Variants in LRRC40 observed in about 807,000 individuals in gnomAD.
LRRC40 encodes leucine rich repeat containing 40.
In LRRC40, 76 loss-of-function variants were observed where a neutral mutation model predicts 72.8. The observed-to-expected ratio is 1.04, with a 90% CI of 0.87 to 1.26. The LOEUF (loss-of-function observed/expected upper bound fraction) is 1.26, where lower values mean the gene tolerates loss of function less well. LRRC40 is among the 50% of genes most tolerant of loss of function. The pLI is 0.00. For missense variants in LRRC40, 684 were observed against 698.9 expected (o/e 0.98, Z 0.24); for synonymous variants, 243 against 254.2 (o/e 0.96, Z 0.42).
chr1:70,159,432 C>A lies in LRRC40; in HGVS notation c.1118G>T (p.Gly373Val). ...AGTAGCAGACTCACTTTGGCTAGGT[C>A]CATCATCTGGCAAAAGAAAACTTAT... ...KYLRSKIKDD[G>V]PSQSESATET... Residue 373 changes from glycine (G) to valine (V), a missense_variant, in exon 10 of 15, where the codon GGA (glycine) becomes GTA (valine). Gly to Val is a moderately radical substitution (Grantham distance 109, BLOSUM62 -3). Transcript: ENST00000370952. 1 of 1,545,038 alleles carries A rather than the reference C, an allele frequency of 6.5e-7. No homozygotes were observed. The highest frequency in any genetic ancestry group is 8.9e-7 in the Non-Finnish European group (1 of 1,128,204).
At chr1:70,186,434 T>C (rs1668360761) in intron 3 of LRRC40, among the ~76,000 whole-genome samples, 1 of 152,202 alleles carries the variant, frequency 6.6e-6, no homozygotes, top group Non-Finnish European at 1.5e-5. Flanking sequence ...TATATTTTCA[T>C]TGGCCAATGG....
chr1:70,182,791 G>A (rs1668275078), intron 4 of LRRC40, among the ~76,000 whole-genome samples: 1 of 151,978 alleles, frequency 6.6e-6, no homozygotes, highest in African/African-American at 2.4e-5. Context: ...TAAATTATAG[G>A]TGTTTAATCT....
chr1:70,178,880 G>A lies in LRRC40; in HGVS notation c.775C>T (p.Pro259Ser). The change falls in exon 6 of 15, where the codon CCA (proline) becomes TCA (serine). Residue 259 changes from proline (P) to serine (S), a missense_variant. Pro to Ser is a moderately conservative substitution (Grantham distance 74). Coordinates refer to ENST00000370952, the MANE Select transcript of LRRC40 (RefSeq NM_017768.5). The stretch of plus-strand genomic sequence containing the variant: ...AATAGACTACAAGAAGGAAATTCTG[G>A]TAGAAAACGTAATTTATTCCTCCGC... ...YLRRNKLRFLPEFPSCSLLKE... is the reference protein window; with the variant it reads ...YLRRNKLRFLSEFPSCSLLKE... The A allele has an allele frequency of 1.3e-6, 2 of 1,595,286 alleles. No homozygotes were observed. Among genetic ancestry groups the A allele is most frequent in the Middle Eastern group, 1.7e-4 (1 of 6,006 alleles).
intron 10 of LRRC40, among the ~76,000 whole-genome samples, chr1:70,158,553 ATCT>A (rs1293231813): frequency 6.6e-6 from 1 of 152,182 alleles, no homozygotes; most frequent in Non-Finnish European, 1.5e-5. Flanking sequence ...CTGCATAGGT[ATCT>A]TCTTTTCCCA....
At chr1:70,159,196 C>A in intron 10 of LRRC40, 134 bp downstream of exon 10, 1 of 401,750 alleles carries the variant, frequency 2.5e-6, no homozygotes, top group Non-Finnish European at 4.5e-6. Context: ...AGCATGGTAG[C>A]TCAAGCCTAT....
At chr1:70,205,293 A>C in intron 1 of LRRC40, 97 bp downstream of exon 1, 1 of 1,228,048 alleles carries the variant, frequency 8.1e-7, no homozygotes, top group Non-Finnish European at 1.1e-6. Flanking sequence ...TAGCAGTCTG[A>C]GAAAGGGGGC....
Position 70,181,122 on chromosome 1 carries a change from G to C in LRRC40, c.625C>G (p.Leu209Val). The C allele has an allele frequency of 2.5e-6, 4 of 1,586,044 alleles. No individual in the cohort carries two copies. The highest frequency in any genetic ancestry group is 3.4e-6 in the Non-Finnish European group (4 of 1,159,658). The change falls in exon 5 of 15, where the codon CTG becomes GTG. Residue 209 changes from leucine to valine, a missense_variant. Coordinates refer to ENST00000370952, the MANE Select transcript of LRRC40 (RefSeq NM_017768.5). ...LVRLNLSSNE[L>V]KSLPAEINRM... is the part of the protein sequence containing the mutation. ...TTTATTTCTGCTGGCAAACTCTTCA[G>C]TTCATTACTAGAAAGATTGAGTCGC...
At chr1:70,147,350 A>G (rs1667333005) in intron 14 of LRRC40, among the ~76,000 whole-genome samples, 1 of 152,208 alleles carries the variant, frequency 6.6e-6, no homozygotes, top group African/African-American at 2.4e-5. Context: ...ATAATGCTAA[A>G]GTACTGTCTA....
intron 11 of LRRC40, among the ~76,000 whole-genome samples, chr1:70,155,396 T>C (rs1262695659): frequency 6.6e-6 from 1 of 152,054 alleles, no homozygotes; most frequent in Non-Finnish European, 1.5e-5. Flanking sequence ...CTATATTTCA[T>C]TATATGGGAA....
intron 11 of LRRC40, among the ~76,000 whole-genome samples, chr1:70,153,972 CAAAA>C (rs1042976831): frequency 1.7e-5 from 1 of 58,186 alleles, no homozygotes; most frequent in African/African-American, 7.1e-5. Flanking sequence ...GATCCTGTCT[CAAAA>C]AAAAAAAAAA....
chr1:70,201,711 G>A (rs1228204322), intron 1 of LRRC40, among the ~76,000 whole-genome samples: 1 of 152,088 alleles, frequency 6.6e-6, no homozygotes, highest in Admixed American at 6.6e-5. Context: ...GGGGGCTCAC[G>A]CCTGTAATCC....
chr1:70,146,367 ATAAC>A (rs1447204955), intron 14 of LRRC40, among the ~76,000 whole-genome samples: 2 of 152,204 alleles, frequency 1.3e-5, no homozygotes, highest in Non-Finnish European at 2.9e-5. Flanking sequence ...CATTAGAATT[ATAAC>A]TAATTAATAA....
At chr1:70,160,217 T>G (rs1424976956) in intron 9 of LRRC40, among the ~76,000 whole-genome samples, 2 of 152,122 alleles carry the variant, frequency 1.3e-5, no homozygotes, top group African/African-American at 2.4e-5. Context: ...CATTAGCACA[T>G]AAGAGCAGAA....
rs545085072 is a variant in LRRC40, at chr1:70,187,699, C to T, written c.334-361G>A. The stretch of plus-strand genomic sequence containing the variant: ...AATTCTTATTAGTCAGGCGTAGTGG[C>T]GCACACCTGTAGCCCCATCTACTCA... On this transcript the variant is annotated intron_variant, in intron 2 of 14. Coordinates refer to ENST00000370952, the MANE Select transcript of LRRC40 (RefSeq NM_017768.5). Among the ~76,000 whole-genome samples the T allele has an allele frequency of 3.3e-5, 5 of 151,902 alleles. No homozygotes were observed. The East Asian group carries it at 5.8e-4, about 18-fold the overall frequency.
chr1:70,176,718 A>C (rs967254447), intron 6 of LRRC40, among the ~76,000 whole-genome samples: 4 of 152,016 alleles, frequency 2.6e-5, no homozygotes, highest in African/African-American at 7.2e-5. Context: ...CTTTTATATA[A>C]ATTTTTTTCA....
chr1:70,181,591 T>C (rs1187160151), intron 4 of LRRC40, among the ~76,000 whole-genome samples: 1 of 151,958 alleles, frequency 6.6e-6, no homozygotes. Context: ...GGCATATTAT[T>C]AATAAACTGT....
At chr1:70,173,730 T>C in intron 7 of LRRC40, 21 bp from the exon 8 acceptor site, 2 of 1,244,900 alleles carry the variant, frequency 1.6e-6, no homozygotes, top group Non-Finnish European at 2.3e-6. Context: ...TTAAATTGAT[T>C]TCAGGGAAAG....
At chr1:70,188,015 A>G in intron 2 of LRRC40, among the ~76,000 whole-genome samples, 1 of 152,196 alleles carries the variant, frequency 6.6e-6, no homozygotes, top group East Asian at 1.9e-4. Flanking sequence ...CAGCTCTCTG[A>G]TGATATGATT....
At chr1:70,200,052 C>A (rs1668702645) in intron 1 of LRRC40, among the ~76,000 whole-genome samples, 11 of 152,088 alleles carry the variant, frequency 7.2e-5, no homozygotes, top group Admixed American at 7.2e-4. Context: ...GTACGGCTTC[C>A]ACTAAGAAAA....
Sources: gnomAD v4.1 joint callset for allele counts (sites outside exome capture counted in the v4.1 genomes callset) on GRCh38, gnomAD v4.1.1 for gene constraint, MANE v1.5 for transcripts, NCBI Gene and HGNC (gene_info 2026-07-23, HGNC 2026-07-21) for gene names.